Variants in DENND4A observed in about 807,000 individuals in gnomAD.
DENND4A encodes the protein C-myc promoter-binding protein.
A neutral mutation model predicts 199.3 loss-of-function variants in DENND4A; 70 were observed. That is an observed-to-expected ratio of 0.35 (90% CI 0.29 to 0.43). The LOEUF is 0.43. DENND4A is among the 20% of genes least tolerant of loss of function. The pLI, the probability that DENND4A is intolerant of heterozygous loss-of-function variation, is 1.00. For missense variants in DENND4A, 1,723 were observed against 2,255.8 expected (o/e 0.76, Z 4.78); for synonymous variants, 686 against 766.9 (o/e 0.89, Z 1.74).
rs918928187 is a variant in DENND4A at position 65,700,549 on chromosome 15, C to A, written c.2828G>T (p.Ser943Ile). 5 of 1,521,430 alleles carry A rather than the reference C, an allele frequency of 3.3e-6. No homozygotes were observed. In the African/African-American group the frequency reaches 5.6e-5, roughly 17 times the overall value. 94.2% of individuals were successfully genotyped at this position (1,521,430 alleles called of 1,614,324 possible). A position where few individuals can be genotyped will look rare whatever the true frequency, so the allele number is the denominator to read the frequency against. ...IKVYATDDRS[S>I]TGGQSDLGYN... ...ATACATAAGCATACACAAACCTGTA[C>A]TAGATCTATCATCAGTAGCATATAC... is the stretch of plus-strand genomic sequence containing the variant. The change falls in exon 20 of 33, where the codon AGT becomes ATT. Residue 943 changes from serine (S) to isoleucine (I), a missense_variant. Around this residue, in one of 6 missense-constraint regions of DENND4A, gnomAD observed 650 missense variants for 738.1 expected, o/e 0.88. Coordinates refer to ENST00000443035, the MANE Select transcript of DENND4A (RefSeq NM_001320835.1).
At chr15:65,740,621 C>G (rs955262563) in intron 5 of DENND4A, among the ~76,000 whole-genome samples, 5 of 149,840 alleles carry the variant, frequency 3.3e-5, no homozygotes, top group African/African-American at 9.8e-5. Flanking sequence ...AGAGCAAAAC[C>G]TTGTCTTTAA....
intron 3 of DENND4A, among the ~76,000 whole-genome samples, 156 bp from the exon 4 acceptor site, chr15:65,752,784 G>A (rs1033289232): frequency 6.6e-6 from 1 of 151,518 alleles, no homozygotes; most frequent in Non-Finnish European, 1.5e-5. Flanking sequence ...ATGAATTAAA[G>A]AATAACTCTT....
At chr15:65,781,902 GA>G (rs2077444626) in intron 1 of DENND4A, among the ~76,000 whole-genome samples, 1 of 152,182 alleles carries the variant, frequency 6.6e-6, no homozygotes, top group Non-Finnish European at 1.5e-5. Context: ...CACAAAAGGG[GA>G]TGGCATAGTG....
chr15:65,755,039 T>C (rs1235746551), intron 3 of DENND4A, among the ~76,000 whole-genome samples: 2 of 152,240 alleles, frequency 1.3e-5, no homozygotes, highest in Non-Finnish European at 2.9e-5. Flanking sequence ...AACTGTGGTA[T>C]ACCCATATGA....
Position 65,792,142 on chromosome 15 carries a change from G to C in DENND4A, c.-234C>G, listed in dbSNP as rs2077752293. On this transcript the variant is annotated 5_prime_UTR_variant, in exon 1 of 33. Coordinates refer to ENST00000443035, the MANE Select transcript of DENND4A (RefSeq NM_001320835.1). ...GCCCGCTTAGCTCATCCCCAGCCCG[G>C]CGCTCCGCCCTTCGCGGCACCCCCG... is the stretch of plus-strand genomic sequence containing the variant. 2 of 153,106 alleles carry C rather than the reference G, an allele frequency of 1.3e-5. No homozygotes were observed. Among genetic ancestry groups the C allele is most frequent in the South Asian group, 3.6e-4 (2 of 5,528 alleles). The allele number at this position is 153,106 out of a possible 1,614,324, so 9.5% of individuals were successfully genotyped here. A position where few individuals can be genotyped will look rare whatever the true frequency, so the allele number is the denominator to read the frequency against.
chr15:65,714,041 T>A (rs1430301277), intron 14 of DENND4A, among the ~76,000 whole-genome samples: 1 of 152,156 alleles, frequency 6.6e-6, no homozygotes, highest in African/African-American at 2.4e-5. Flanking sequence ...AAATCTCCAA[T>A]TCTATTCCAA....
At chr15:65,776,195 T>C (rs2077279314) in intron 1 of DENND4A, among the ~76,000 whole-genome samples, 1 of 152,234 alleles carries the variant, frequency 6.6e-6, no homozygotes, top group South Asian at 2.1e-4. Context: ...TAAATATCTG[T>C]TTTAGCATAC....
intron 23 of DENND4A, among the ~76,000 whole-genome samples, chr15:65,686,357 A>C (rs1232512842): frequency 6.6e-6 from 1 of 152,190 alleles, no homozygotes; most frequent in Non-Finnish European, 1.5e-5. Context: ...TATTCTATAA[A>C]TGTCAATTAT....
At chr15:65,765,490 C>A (rs764948313) in intron 1 of DENND4A, among the ~76,000 whole-genome samples, 1 of 152,170 alleles carries the variant, frequency 6.6e-6, no homozygotes, top group South Asian at 2.1e-4. Flanking sequence ...AGCTGGTATA[C>A]CTTTCACCCC....
At chr15:65,718,580 G>A (rs932300393) in intron 12 of DENND4A, among the ~76,000 whole-genome samples, 1 of 151,708 alleles carries the variant, frequency 6.6e-6, no homozygotes, top group African/African-American at 2.4e-5. Flanking sequence ...CCTGACATAC[G>A]AATAAGGAGA....
intron 1 of DENND4A, among the ~76,000 whole-genome samples, chr15:65,773,574 C>T (rs996160112): frequency 2.0e-5 from 3 of 152,156 alleles, no homozygotes; most frequent in African/African-American, 7.2e-5. Flanking sequence ...AAAGGAGGAA[C>T]AAGCACAATG....
chr15:65,694,113 C>T (rs1348400894), intron 22 of DENND4A, among the ~76,000 whole-genome samples: 2 of 152,102 alleles, frequency 1.3e-5, no homozygotes, highest in East Asian at 3.8e-4. Flanking sequence ...TGGTTGAACA[C>T]TCAGTAATTC....
chr15:65,717,017 G>T (rs977546647), intron 13 of DENND4A, among the ~76,000 whole-genome samples: 1 of 152,174 alleles, frequency 6.6e-6, no homozygotes. Flanking sequence ...TCAGATCATG[G>T]ATCAGATGTT....
chr15:65,738,908 T>A lies in DENND4A; in HGVS notation c.632-33A>T, dbSNP rs528437062. The A allele has an allele frequency of 8.3e-6, 12 of 1,446,980 alleles. No individual in the cohort carries two copies. The South Asian group carries it at 1.7e-4, about 21-fold the overall frequency. The allele number at this position is 1,446,980 out of a possible 1,614,324, so 89.6% of individuals were successfully genotyped here. On this transcript the variant is annotated intron_variant, in intron 5 of 32. Coordinates refer to ENST00000443035, the MANE Select transcript of DENND4A (RefSeq NM_001320835.1). ...AACAACAATAAATATTAGGTCATCA[T>A]CTCTTGAATTTAGGTACTTATTATT...
At chr15:65,733,543 AATTT>A (rs1397485509) in intron 7 of DENND4A, among the ~76,000 whole-genome samples, 2 of 152,216 alleles carry the variant, frequency 1.3e-5, no homozygotes, top group Non-Finnish European at 2.9e-5. Flanking sequence ...CAATATTAGA[AATTT>A]ATTAATTTAC....
At position 65,716,881 on chromosome 15, in the gene DENND4A, A is replaced by G. The variant is rs899846063; in HGVS notation, c.1807+897T>C. Among the ~76,000 whole-genome samples the G allele has an allele frequency of 2.0e-5, 3 of 151,868 alleles. No homozygotes were observed. The East Asian group carries it at 5.8e-4, about 29-fold the overall frequency. On this transcript the variant is annotated intron_variant, in intron 13 of 32. Coordinates refer to ENST00000443035, the MANE Select transcript of DENND4A (RefSeq NM_001320835.1). Reference sequence around the variant, plus strand: ...CCACCAACAGTGTAAAAGTGTTCCTATTTCTCCACATCCTCTCCAGCACCT... The same window carrying G: ...CCACCAACAGTGTAAAAGTGTTCCTGTTTCTCCACATCCTCTCCAGCACCT...
rs1338582698 is a variant in DENND4A, at chr15:65,659,766, C to A, written c.*2085G>T. 1 of 153,766 alleles carries A rather than the reference C, an allele frequency of 6.5e-6. No homozygotes were observed. Among genetic ancestry groups the A allele is most frequent in the Non-Finnish European group, 1.4e-5 (1 of 69,158 alleles). 9.5% of individuals were successfully genotyped at this position (153,766 alleles called of 1,614,324 possible). A position where few individuals can be genotyped will look rare whatever the true frequency, so the allele number is the denominator to read the frequency against. ...GGGATTAAAAGTAGGGGAAATACAACCCTCTCCAAAAGCAGAAACAAAACT... is the reference window on the plus strand; with the variant it reads ...GGGATTAAAAGTAGGGGAAATACAAACCTCTCCAAAAGCAGAAACAAAACT... On this transcript the variant is annotated 3_prime_UTR_variant, in exon 33 of 33. Coordinates refer to ENST00000443035, the MANE Select transcript of DENND4A (RefSeq NM_001320835.1).
At chr15:65,736,889 T>C (rs1246468209) in intron 7 of DENND4A, among the ~76,000 whole-genome samples, 2 of 152,160 alleles carry the variant, frequency 1.3e-5, no homozygotes, top group Non-Finnish European at 2.9e-5. Context: ...TCACTAAAGT[T>C]TTTTTAGTTT....
chr15:65,668,169 C>A, intron 27 of DENND4A, 46 bp from the exon 28 acceptor site: 10 of 1,272,176 alleles, frequency 7.9e-6, no homozygotes, highest in Non-Finnish European at 1.1e-5. Flanking sequence ...TCTAGATTTA[C>A]TTTACTTCAT....
Sources: allele counts gnomAD v4.1 joint callset (sites outside exome capture counted in the v4.1 genomes callset), GRCh38; gene constraint gnomAD v4.1.1; regional missense constraint gnomAD v4.1.1; transcripts MANE v1.5; gene names NCBI Gene and HGNC (gene_info 2026-07-23, HGNC 2026-07-21).